The following MTAP variants were observed in gnomAD, a reference collection of about 807,000 sequenced individuals.
MTAP encodes the protein methylthioadenosine phosphorylase.
MTAP carries 33 observed loss-of-function variants against 33.6 expected under a neutral mutation model. The observed-to-expected ratio is 0.98, with a 90% CI of 0.74 to 1.31. MTAP has a LOEUF of 1.31. Ranked by LOEUF, MTAP falls within the 40% of genes most tolerant of loss-of-function variation. The probability of loss-of-function intolerance (pLI) is 0.00; values close to 1 mark genes in which losing one functional copy is unlikely to be tolerated. For missense variants in MTAP, 367 were observed against 360.0 expected (o/e 1.02, Z -0.16); for synonymous variants, 148 against 125.7 (o/e 1.18, Z -1.19).
chr9:21,922,793 A>AC lies in MTAP; in HGVS notation c.148-8213dup, dbSNP rs1818808913. On this transcript the variant is annotated intron_variant, in intron 1 of 1. Transcript: ENST00000577563. This position sits in a 1 kb window ranked among gnomAD's most constrained non-coding sequence, Gnocchi z 4.8. ...CTGGCTGATCTCTCAGCTTACCCTGACCGGTGGCTTACAGGGGTAGGAAGG... is the reference window on the plus strand; with the variant it reads ...CTGGCTGATCTCTCAGCTTACCCTGACCCGGTGGCTTACAGGGGTAGGAAGG... Among the ~76,000 whole-genome samples the AC allele has an allele frequency of 6.6e-6, 1 of 152,114 alleles. No homozygotes were observed. Among genetic ancestry groups the AC allele is most frequent in the South Asian group, 2.1e-4 (1 of 4,816 alleles).
intron 4 of MTAP, among the ~76,000 whole-genome samples, chr9:21,820,247 GT>G (rs1239319997): frequency 6.6e-6 from 1 of 152,148 alleles, no homozygotes; most frequent in African/African-American, 2.4e-5. Context: ...TATTGCCTAG[GT>G]TTTCTTCTAG....
At chr9:21,830,228 T>G (rs1158101046) in intron 4 of MTAP, among the ~76,000 whole-genome samples, 1 of 152,228 alleles carries the variant, frequency 6.6e-6, no homozygotes, top group African/African-American at 2.4e-5. Context: ...ATTTTCCCGT[T>G]TTTGTTGCAC....
At chr9:21,885,282 A>G (rs927005250) in intron 1 of MTAP, among the ~76,000 whole-genome samples, 1 of 152,188 alleles carries the variant, frequency 6.6e-6, no homozygotes, top group Non-Finnish European at 1.5e-5. Context: ...TCCAAAGAAT[A>G]CTTTGGAGAA....
intron 7 of MTAP, chr9:21,861,006 C>G (rs1825742075): frequency 6.6e-6 from 1 of 152,230 alleles, no homozygotes; most frequent in African/African-American, 2.4e-5. Flanking sequence ...TCGTGATCCA[C>G]CCGCTTTGGC....
intron 5 of MTAP, among the ~76,000 whole-genome samples, chr9:21,852,234 C>T (rs1172895567): frequency 1.3e-5 from 2 of 152,078 alleles, no homozygotes; most frequent in Non-Finnish European, 2.9e-5. Flanking sequence ...TAGGGCCGGG[C>T]GCAGTGGCTC....
intron 1 of MTAP, among the ~76,000 whole-genome samples, chr9:21,886,095 C>G (rs368904684): frequency 6.0e-5 from 9 of 151,016 alleles, no homozygotes; most frequent in East Asian, 3.9e-4. Flanking sequence ...TAAAAGTGTT[C>G]TCTTTCACCA....
chr9:21,883,269 A>G (rs1158795913), intron 1 of MTAP, among the ~76,000 whole-genome samples: 1 of 152,186 alleles, frequency 6.6e-6, no homozygotes, highest in Non-Finnish European at 1.5e-5. Flanking sequence ...GAATCACTAT[A>G]TGAATAAATG....
At chr9:21,817,983 C>G in intron 3 of MTAP, 52 bp from the exon 4 acceptor site, 8 of 1,507,636 alleles carry the variant, frequency 5.3e-6, no homozygotes, top group Non-Finnish European at 7.1e-6. Context: ...TAGGAGAAAA[C>G]AGTTGGTGGT....
chr9:21,890,864 G>A (rs1411398218), intron 1 of MTAP, among the ~76,000 whole-genome samples: 2 of 152,020 alleles, frequency 1.3e-5, no homozygotes, highest in African/African-American at 2.4e-5. Context: ...CAGTTTTCCT[G>A]GTACATTCTT....
chr9:21,883,132 A>G (rs193231106), intron 1 of MTAP, among the ~76,000 whole-genome samples: 140 of 152,154 alleles, frequency 9.2e-4, no homozygotes, highest in Non-Finnish European at 1.6e-3. Flanking sequence ...ACTGAAAAAA[A>G]AAACAAAAAC....
At chr9:21,828,503 G>A (rs530857592) in intron 4 of MTAP, among the ~76,000 whole-genome samples, 11 of 152,116 alleles carry the variant, frequency 7.2e-5, no homozygotes, top group South Asian at 6.2e-4. Flanking sequence ...GTGAAACCCC[G>A]TCTTTACTAA....
At position 21,818,173 on chromosome 9, in the gene MTAP, T is replaced by TA; in HGVS notation, c.319dup (p.Ile107AsnfsTer5). The TA allele has an allele frequency of 6.2e-7, 1 of 1,613,992 alleles. No homozygotes were observed. The highest frequency in any genetic ancestry group is 2.2e-5 in the East Asian group (1 of 44,858). The stretch of plus-strand genomic sequence containing the variant: ...TGAGGGAGGAGATTCAGCCCGGCGA[T>TA]ATTGTCATTATTGATCAGTTCATTG... On this transcript the variant is annotated frameshift_variant, in exon 4 of 8. Transcript: ENST00000644715. LOFTEE classifies it high-confidence loss of function.
intron 4 of MTAP, among the ~76,000 whole-genome samples, chr9:21,822,050 A>G (rs1028880875): frequency 2.0e-5 from 3 of 152,074 alleles, no homozygotes; most frequent in Non-Finnish European, 4.4e-5. Context: ...CTAGTGGTCT[A>G]TCAATTTTGT....
At chr9:21,914,784 TAA>T (rs143107602) in intron 1 of MTAP, among the ~76,000 whole-genome samples, 53 of 137,368 alleles carry the variant, frequency 3.9e-4, no homozygotes, top group African/African-American at 1.3e-3. Context: ...AGTATAATAA[TAA>T]AAAAAAAATA....
chr9:21,861,604 G>A (rs1825754825), intron 7 of MTAP: 1 of 203,262 alleles, frequency 4.9e-6, no homozygotes, highest in African/African-American at 2.3e-5. Flanking sequence ...ATCCTATGGT[G>A]TTTGGAGATA....
intron 4 of MTAP, among the ~76,000 whole-genome samples, chr9:21,831,709 C>T (rs747716570): frequency 2.6e-5 from 4 of 152,060 alleles, no homozygotes; most frequent in Non-Finnish European, 5.9e-5. Flanking sequence ...GTGAAACTTG[C>T]AAACATATCA....
chr9:21,860,618 A>G (rs191629993), intron 7 of MTAP: 4 of 152,378 alleles, frequency 2.6e-5, no homozygotes, highest in Non-Finnish European at 5.9e-5. Flanking sequence ...TAAAAGGGAA[A>G]AAATACATTT....
chr9:21,811,212 C>G (rs1162706652), intron 1 of MTAP, among the ~76,000 whole-genome samples: 1 of 152,090 alleles, frequency 6.6e-6, no homozygotes, highest in Non-Finnish European at 1.5e-5. Context: ...GTGCTGGGTT[C>G]CTTACGGCAG....
At chr9:21,806,238 A>G (rs1342332975) in intron 1 of MTAP, among the ~76,000 whole-genome samples, 2 of 152,058 alleles carry the variant, frequency 1.3e-5, no homozygotes, top group Non-Finnish European at 1.5e-5. Flanking sequence ...GGAGCCATGG[A>G]GGTGGTGAGG....
Sources: gnomAD v4.1 joint callset for allele counts (sites outside exome capture counted in the v4.1 genomes callset) on GRCh38, gnomAD v4.1.1 for gene constraint, Gnocchi (gnomAD v3.1) non-coding constraint, MANE v1.5 for transcripts, NCBI Gene and HGNC (gene_info 2026-07-23, HGNC 2026-07-21) for gene names.